The following RAB28 variants were observed in gnomAD, a reference collection of about 807,000 sequenced individuals.
RAB28 encodes the protein ras-related protein Rab-28.
A neutral mutation model predicts 31.7 loss-of-function variants in RAB28; 24 were observed. That is an observed-to-expected ratio of 0.76 (90% CI 0.55 to 1.06). The LOEUF is 1.06. RAB28 is among the 50% of genes least tolerant of loss of function. RAB28 has a pLI of 0.00. For missense variants in RAB28, 254 were observed against 258.5 expected (o/e 0.98, Z 0.12); for synonymous variants, 100 against 90.4 (o/e 1.11, Z -0.60).
At chr4:13,404,431 A>T (rs1711954182) in intron 4 of RAB28, among the ~76,000 whole-genome samples, 3 of 152,172 alleles carry the variant, frequency 2.0e-5, no homozygotes, top group Non-Finnish European at 2.9e-5. Flanking sequence ...GAAAAGTTAC[A>T]AGTAAAGATA....
At chr4:13,468,936 T>C (rs1715993751) in intron 3 of RAB28, among the ~76,000 whole-genome samples, 3 of 151,838 alleles carry the variant, frequency 2.0e-5, no homozygotes, top group Admixed American at 2.0e-4. Flanking sequence ...ATAAACAACT[T>C]TGTGACCACA....
intron 4 of RAB28, among the ~76,000 whole-genome samples, chr4:13,453,852 G>A (rs1231280847): frequency 2.6e-5 from 4 of 152,052 alleles, no homozygotes; most frequent in Non-Finnish European, 2.9e-5. Context: ...CTTCCTCGAT[G>A]TGAATGTTCA....
At chr4:13,412,955 A>C (rs1437000387) in intron 4 of RAB28, among the ~76,000 whole-genome samples, 2 of 152,130 alleles carry the variant, frequency 1.3e-5, no homozygotes, top group African/African-American at 4.8e-5. Context: ...TGAAAAGATA[A>C]GGGACATGAA....
chr4:13,481,812 G>C (rs1405441366), intron 1 of RAB28, among the ~76,000 whole-genome samples: 1 of 152,028 alleles, frequency 6.6e-6, no homozygotes, highest in Non-Finnish European at 1.5e-5. Flanking sequence ...CTCAGAGTTA[G>C]ATTGAGCAGG....
At chr4:13,427,689 A>G (rs1367832763) in intron 4 of RAB28, among the ~76,000 whole-genome samples, 4 of 152,214 alleles carry the variant, frequency 2.6e-5, no homozygotes, top group African/African-American at 9.6e-5. Context: ...GATTGAGCAA[A>G]TAAGAACCAG....
At chr4:13,420,299 C>G (rs527659036) in intron 4 of RAB28, among the ~76,000 whole-genome samples, 1 of 152,058 alleles carries the variant, frequency 6.6e-6, no homozygotes, top group Non-Finnish European at 1.5e-5. Context: ...CAGGACCAGA[C>G]GGATTCACAG....
intron 5 of RAB28, among the ~76,000 whole-genome samples, chr4:13,377,696 G>C (rs529463330): frequency 8.5e-5 from 13 of 152,300 alleles, no homozygotes; most frequent in Admixed American, 8.5e-4. Flanking sequence ...TGTTTGTATT[G>C]AACATTCACT....
At chr4:13,403,240 C>G (rs1287440176) in intron 4 of RAB28, among the ~76,000 whole-genome samples, 1 of 152,106 alleles carries the variant, frequency 6.6e-6, no homozygotes, top group Non-Finnish European at 1.5e-5. Flanking sequence ...ATATAATTTT[C>G]AGGTGTCATA....
chr4:13,383,021 T>C (rs1193784243), intron 4 of RAB28, among the ~76,000 whole-genome samples: 1 of 136,808 alleles, frequency 7.3e-6, no homozygotes, highest in Non-Finnish European at 1.5e-5. Flanking sequence ...CTTTGTTTTG[T>C]TTTTTTTGCT....
chr4:13,472,251 G>A (rs1356679921), intron 3 of RAB28, among the ~76,000 whole-genome samples: 1 of 151,926 alleles, frequency 6.6e-6, no homozygotes, highest in Admixed American at 6.6e-5. Context: ...GGGCTCAAGT[G>A]ATCCTCCCAC....
chr4:13,377,142 G>A (rs1031894043), intron 5 of RAB28, among the ~76,000 whole-genome samples: 5 of 152,058 alleles, frequency 3.3e-5, no homozygotes, highest in Non-Finnish European at 4.4e-5. Context: ...ACTTGGTACT[G>A]TTTACTATAT....
chr4:13,441,104 G>A (rs1400043993), intron 4 of RAB28, among the ~76,000 whole-genome samples: 2 of 152,092 alleles, frequency 1.3e-5, no homozygotes, highest in African/African-American at 2.4e-5. Flanking sequence ...TCTTTCTTTT[G>A]TAGACTTAAA....
intron 6 of RAB28, among the ~76,000 whole-genome samples, chr4:13,373,904 C>T (rs1728815975): frequency 6.6e-6 from 1 of 151,788 alleles, no homozygotes; most frequent in Non-Finnish European, 1.5e-5. Flanking sequence ...TTTCAAATGT[C>T]GCAACAACCA....
chr4:13,474,228 G>A, intron 3 of RAB28, 90 bp downstream of exon 3: 2 of 764,832 alleles, frequency 2.6e-6, no homozygotes, highest in Non-Finnish European at 4.5e-6. Flanking sequence ...TAGAAAGAAT[G>A]TGTGTGTGTG....
intron 4 of RAB28, among the ~76,000 whole-genome samples, chr4:13,393,637 T>C (rs1017996961): frequency 1.3e-5 from 2 of 152,078 alleles, no homozygotes; most frequent in Non-Finnish European, 2.9e-5. Context: ...ACAAAAAATG[T>C]TACCCTCCTA....
intron 4 of RAB28, among the ~76,000 whole-genome samples, chr4:13,442,341 C>T (rs1278024374): frequency 6.6e-6 from 1 of 151,888 alleles, no homozygotes; most frequent in East Asian, 1.9e-4. Context: ...GTTTATGCAG[C>T]ATCTTTTTTT....
intron 4 of RAB28, among the ~76,000 whole-genome samples, chr4:13,441,633 TAA>T (rs1457255259): frequency 2.6e-5 from 4 of 152,230 alleles, no homozygotes; most frequent in Admixed American, 6.5e-5. Context: ...CAAGTAATCC[TAA>T]AAAGACTTAT....
rs1385065535 is a variant in RAB28 at position 13,463,087 on chromosome 4, T to C, written c.262-2259A>G. ...AAAAGTACTTATTTTAAAATTAACA[T>C]ACCACATGCAATTGTAGATTTTTCT... On this transcript the variant is annotated intron_variant, in intron 3 of 6. Coordinates refer to ENST00000330852, the MANE Select transcript of RAB28 (RefSeq NM_001017979.3). 2.6e-5 allele frequency among the ~76,000 whole-genome samples: 4 copies of C among 152,206 alleles called. No individual in the cohort carries two copies. In the South Asian group the frequency reaches 6.2e-4, roughly 24 times the overall value.
intron 1 of RAB28, among the ~76,000 whole-genome samples, chr4:13,479,885 T>C (rs1183191179): frequency 6.6e-6 from 1 of 151,756 alleles, no homozygotes; most frequent in Non-Finnish European, 1.5e-5. Context: ...AGATCTAATC[T>C]AACTTAGATC....
Sources: allele counts gnomAD v4.1 joint callset (sites outside exome capture counted in the v4.1 genomes callset), GRCh38; gene constraint gnomAD v4.1.1; transcripts MANE v1.5; gene names NCBI Gene and HGNC (gene_info 2026-07-23, HGNC 2026-07-21).